Variants in SPATA17 observed in about 807,000 individuals in gnomAD.
SPATA17 encodes the protein spermatogenesis-associated protein 17.
SPATA17 carries 53 observed loss-of-function variants against 62.2 expected under a neutral mutation model. The ratio of observed to expected loss-of-function variants is 0.85; its 90% CI spans 0.68 to 1.07. The LOEUF (loss-of-function observed/expected upper bound fraction) is 1.07. Among genes scored for constraint, SPATA17 ranks in the 50% least tolerant of loss-of-function variants. The pLI is 0.00. For missense variants in SPATA17, 466 were observed against 425.5 expected (o/e 1.10, Z -0.84); for synonymous variants, 146 against 146.8 (o/e 0.99, Z 0.04).
chr1:217,775,207 G>A (rs1342069902), intron 7 of SPATA17, among the ~76,000 whole-genome samples: 1 of 152,060 alleles, frequency 6.6e-6, no homozygotes, highest in African/African-American at 2.4e-5. Context: ...CTTTTTATGT[G>A]CCTATTGGCC....
intron 5 of SPATA17, among the ~76,000 whole-genome samples, chr1:217,731,756 A>G (rs188878734): frequency 1.4e-4 from 22 of 152,292 alleles, no homozygotes. Context: ...CTTGAATCAT[A>G]TTGTTTAACA....
chr1:217,783,052 G>C (rs1318036905), intron 8 of SPATA17, among the ~76,000 whole-genome samples: 6 of 150,640 alleles, frequency 4.0e-5, no homozygotes, highest in African/African-American at 1.5e-4. Flanking sequence ...TGCTAAGTAA[G>C]ACATTATTAC....
chr1:217,865,475 C>G (rs1675990052), intron 10 of SPATA17, among the ~76,000 whole-genome samples: 1 of 152,160 alleles, frequency 6.6e-6, no homozygotes, highest in South Asian at 2.1e-4. Context: ...CTTAAACACA[C>G]ACATATTTTA....
At chr1:217,828,381 A>C (rs940647202) in intron 9 of SPATA17, among the ~76,000 whole-genome samples, 1 of 151,866 alleles carries the variant, frequency 6.6e-6, no homozygotes, top group African/African-American at 2.4e-5. Context: ...CAAATGCAAA[A>C]GAATGAAATT....
intron 8 of SPATA17, among the ~76,000 whole-genome samples, chr1:217,798,715 G>A (rs1314704932): frequency 6.6e-6 from 1 of 152,182 alleles, no homozygotes; most frequent in South Asian, 2.1e-4. Flanking sequence ...GTTACAGGGT[G>A]TGACAGGAGT....
intron 5 of SPATA17, among the ~76,000 whole-genome samples, chr1:217,686,040 C>T (rs925818620): frequency 6.6e-6 from 1 of 151,922 alleles, no homozygotes; most frequent in African/African-American, 2.4e-5. Flanking sequence ...TTATAGGGTT[C>T]AATATTATCT....
intron 8 of SPATA17, among the ~76,000 whole-genome samples, chr1:217,800,496 T>G (rs1284110124): frequency 1.3e-5 from 2 of 152,138 alleles, no homozygotes; most frequent in Non-Finnish European, 2.9e-5. Context: ...TAGAGCTTTT[T>G]GGTGTAAATT....
In SPATA17 at chr1:217,686,876, G is replaced by A. The variant is rs1325115972; in HGVS notation, c.395+3515G>A. ...TGGAATTACAGGTGCCTGCCACCAT[G>A]TCTGGATAATTTTTGTATTTTTAGT... On this transcript the variant is annotated intron_variant, in intron 5 of 10. Coordinates refer to ENST00000366933, the MANE Select transcript of SPATA17 (RefSeq NM_138796.4). Among the ~76,000 whole-genome samples the A allele has an allele frequency of 4.6e-5, 7 of 152,250 alleles. No homozygotes were observed. The East Asian group carries it at 1.4e-3, about 29-fold the overall frequency.
At position 217,869,396 on chromosome 1, in the gene SPATA17, A is replaced by G. The variant is rs1452097695; in HGVS notation, c.*2377A>G. ...CCAGGTGGCAGACTTCAGAGAGCAT[A>G]GATTGTAAATGTTTCTTATCTGACT... On this transcript the variant is annotated 3_prime_UTR_variant, in exon 11 of 11. Coordinates refer to ENST00000366933, the MANE Select transcript of SPATA17 (RefSeq NM_138796.4). 6.6e-6 allele frequency: 1 copy of G among 152,186 alleles called. No individual in the cohort carries two copies. Among genetic ancestry groups the G allele is most frequent in the Non-Finnish European group, 1.5e-5 (1 of 68,032 alleles). 9.4% of individuals were successfully genotyped at this position (152,186 alleles called of 1,614,324 possible). A position where few individuals can be genotyped will look rare whatever the true frequency, so the allele number is the denominator to read the frequency against.
intron 9 of SPATA17, among the ~76,000 whole-genome samples, chr1:217,809,306 C>T (rs1041185315): frequency 3.9e-5 from 6 of 152,082 alleles, no homozygotes; most frequent in African/African-American, 1.4e-4. Context: ...GCCTAGTTCA[C>T]CCTTAGAACT....
intron 8 of SPATA17, among the ~76,000 whole-genome samples, chr1:217,793,282 A>G (rs911052329): frequency 3.8e-5 from 5 of 131,034 alleles, no homozygotes; most frequent in African/African-American, 1.2e-4. Context: ...GTGCAGTGGC[A>G]CGATCTCGGC....
At chr1:217,686,543 A>G (rs985413872) in intron 5 of SPATA17, among the ~76,000 whole-genome samples, 1 of 137,176 alleles carries the variant, frequency 7.3e-6, no homozygotes, top group Non-Finnish European at 1.7e-5. Flanking sequence ...TTTTCTTTTA[A>G]CTTATTTTTG....
chr1:217,711,884 G>T (rs1434421193), intron 5 of SPATA17, among the ~76,000 whole-genome samples: 1 of 152,132 alleles, frequency 6.6e-6, no homozygotes, highest in Non-Finnish European at 1.5e-5. Flanking sequence ...CTGTTGCCTT[G>T]ACAGAATGGT....
chr1:217,798,847 C>T (rs1674222574), intron 8 of SPATA17, among the ~76,000 whole-genome samples: 1 of 151,580 alleles, frequency 6.6e-6, no homozygotes, highest in South Asian at 2.1e-4. Context: ...AATATAAGCA[C>T]CCTGGCAACA....
At chr1:217,714,478 A>C (rs1336008167) in intron 5 of SPATA17, among the ~76,000 whole-genome samples, 3 of 139,428 alleles carry the variant, frequency 2.2e-5, no homozygotes, top group Non-Finnish European at 4.7e-5. Flanking sequence ...TGAACGTGGA[A>C]AACGTGTTTC....
intron 8 of SPATA17, among the ~76,000 whole-genome samples, chr1:217,795,436 C>A (rs988155304): frequency 1.6e-5 from 2 of 125,332 alleles, no homozygotes; most frequent in Non-Finnish European, 3.2e-5. Context: ...GTGGTGTGAT[C>A]TCGGCTCGCT....
rs547621093 is a variant in SPATA17 at position 217,772,533 on chromosome 1, T to TA, written c.520-1793dup. Among the ~76,000 whole-genome samples the TA allele has an allele frequency of 4.6e-5, 7 of 152,000 alleles. No homozygotes were observed. In the South Asian group the frequency reaches 6.2e-4, roughly 14 times the overall value. On this transcript the variant is annotated intron_variant, in intron 6 of 10. Coordinates refer to ENST00000366933, the MANE Select transcript of SPATA17 (RefSeq NM_138796.4). ...TTAAAGCAAATTGAAACTGTTCTGT[T>TA]AAAAAAAAGAAAAATGGTATAATCT...
chr1:217,656,032 AC>A (rs1262141228), intron 3 of SPATA17, among the ~76,000 whole-genome samples: 4 of 150,090 alleles, frequency 2.7e-5, no homozygotes, highest in Non-Finnish European at 5.9e-5. Flanking sequence ...TGCCTCCCCC[AC>A]CCCCCACGCC....
chr1:217,825,345 G>A (rs1268659197), intron 9 of SPATA17, among the ~76,000 whole-genome samples: 1 of 151,690 alleles, frequency 6.6e-6, no homozygotes, highest in Non-Finnish European at 1.5e-5. Flanking sequence ...TAATATACAT[G>A]TAAAAGTATT....
Sources: allele counts gnomAD v4.1 joint callset (sites outside exome capture counted in the v4.1 genomes callset), GRCh38; gene constraint gnomAD v4.1.1; transcripts MANE v1.5; gene names NCBI Gene and HGNC (gene_info 2026-07-23, HGNC 2026-07-21).